EPHA6: variants seen among roughly 807,000 people sequenced by gnomAD.
The protein encoded by EPHA6 is EPH receptor A6, also known as ephrin type-A receptor 6.
In EPHA6, 50 loss-of-function variants were observed where a neutral mutation model predicts 112.0. The observed-to-expected ratio is 0.45, with a 90% CI of 0.36 to 0.56. EPHA6 has a LOEUF of 0.56. Ranked by LOEUF, EPHA6 falls within the 20% of genes least tolerant of loss-of-function variation. The pLI is 0.00. For synonymous variants in EPHA6, 529 were observed against 490.7 expected, an observed-to-expected ratio of 1.08 and a Z score of -1.03; for missense variants, 1,280 against 1,417.4, an observed-to-expected ratio of 0.90 and a Z score of 1.56.
At chr3:97,063,827 A>T (rs1160368595) in intron 3 of EPHA6, among the ~76,000 whole-genome samples, 3 of 152,204 alleles carry the variant, frequency 2.0e-5, no homozygotes, top group Non-Finnish European at 4.4e-5. Flanking sequence ...GCTTAAAATC[A>T]TGTCAGCTGG....
At chr3:96,921,447 A>G (rs1313693378) in intron 2 of EPHA6, among the ~76,000 whole-genome samples, 1 of 152,168 alleles carries the variant, frequency 6.6e-6, no homozygotes, top group Non-Finnish European at 1.5e-5. Flanking sequence ...TGTTGTTAAA[A>G]TATTCCTGAT....
At chr3:97,235,051 C>T (rs2078641836) in intron 4 of EPHA6, among the ~76,000 whole-genome samples, 1 of 152,062 alleles carries the variant, frequency 6.6e-6, no homozygotes, top group Non-Finnish European at 1.5e-5. Flanking sequence ...TTTATTTTTG[C>T]TATTCAGAAT....
intron 3 of EPHA6, among the ~76,000 whole-genome samples, chr3:97,176,594 T>TTATTTAAAGAAATTTA (rs2076841445): frequency 6.6e-6 from 1 of 151,858 alleles, no homozygotes; most frequent in Non-Finnish European, 1.5e-5. Context: ...TTATTGAGGT[T>TTATTTAAAGAAATTTA]TTGTATTTCT....
chr3:97,017,181 T>C (rs1209776772), intron 3 of EPHA6, among the ~76,000 whole-genome samples: 6 of 152,128 alleles, frequency 3.9e-5, no homozygotes, highest in Non-Finnish European at 8.8e-5. Context: ...CTTAATTTCA[T>C]ATTACTGAAA....
intron 3 of EPHA6, among the ~76,000 whole-genome samples, chr3:97,144,083 A>G (rs2075978480): frequency 6.6e-6 from 1 of 151,706 alleles, no homozygotes; most frequent in African/African-American, 2.4e-5. Context: ...GCATTTGTGT[A>G]TAACAACCCT....
At chr3:96,904,140 A>T (rs2038781113) in intron 2 of EPHA6, among the ~76,000 whole-genome samples, 3 of 152,076 alleles carry the variant, frequency 2.0e-5, no homozygotes, top group Non-Finnish European at 1.5e-5. Flanking sequence ...TCATGCTGCT[A>T]TGAAGACACA....
chr3:97,601,326 T>C (rs2107407900), intron 12 of EPHA6, among the ~76,000 whole-genome samples: 1 of 152,258 alleles, frequency 6.6e-6, no homozygotes, highest in Admixed American at 6.5e-5. Context: ...AGTATTTTTT[T>C]GTAAGGGAGG....
In EPHA6 at chr3:97,751,468, G is replaced by C. The variant is rs2035899287; in HGVS notation, c.*2767G>C. Among the ~76,000 whole-genome samples, 2 of 152,072 alleles carry C rather than the reference G, an allele frequency of 1.3e-5. No homozygotes were observed. The highest frequency in any genetic ancestry group is 4.8e-5 in the African/African-American group (2 of 41,514). On this transcript the variant is annotated 3_prime_UTR_variant, in exon 18 of 18. Coordinates refer to ENST00000389672, the MANE Select transcript of EPHA6 (RefSeq NM_001080448.3). ...AAATGTAACTTTGAACTTCATTATG[G>C]TTATGGCAACATTGAAACATGTGTG...
intron 10 of EPHA6, among the ~76,000 whole-genome samples, chr3:97,493,849 C>G (rs1341699127): frequency 2.6e-5 from 4 of 152,092 alleles, no homozygotes; most frequent in African/African-American, 4.8e-5. Flanking sequence ...CTCGTGGTTA[C>G]CACGTGTCCA....
At chr3:97,254,708 T>C (rs74906538) in intron 5 of EPHA6, among the ~76,000 whole-genome samples, 1 of 152,166 alleles carries the variant, frequency 6.6e-6, no homozygotes, top group African/African-American at 2.4e-5. Flanking sequence ...CTCAAATAAA[T>C]ATTATTTTTA....
chr3:97,248,821 T>C (rs1381384789), intron 5 of EPHA6, among the ~76,000 whole-genome samples: 5 of 152,154 alleles, frequency 3.3e-5, no homozygotes. Context: ...TTGAGATGTC[T>C]ATTTGGTTTA....
In EPHA6 at chr3:97,760,204, T is replaced by C. The variant is rs2036123793; in HGVS notation, c.*11503T>C. ...TCTTTTAGTAAAAATTATTTTGTTT[T>C]CATATAGGAAAACAATGCCTTCTGT... On this transcript the variant is annotated 3_prime_UTR_variant, in exon 18 of 18. Coordinates refer to ENST00000389672, the MANE Select transcript of EPHA6 (RefSeq NM_001080448.3). 1 of 180,654 alleles carries C rather than the reference T, an allele frequency of 5.5e-6. No homozygotes were observed. The highest frequency in any genetic ancestry group is 2.4e-5 in the African/African-American group (1 of 42,328). The allele number at this position is 180,654 out of a possible 1,614,324, so 11.2% of individuals were successfully genotyped here. A position where few individuals can be genotyped will look rare whatever the true frequency, so the allele number is the denominator to read the frequency against.
intron 7 of EPHA6, among the ~76,000 whole-genome samples, chr3:97,458,749 A>C (rs976040457): frequency 6.6e-6 from 1 of 152,152 alleles, no homozygotes; most frequent in African/African-American, 2.4e-5. Context: ...GAGAAAGAGA[A>C]GGGCGCTTGA....
At chr3:97,211,954 C>T (rs1264865972) in intron 3 of EPHA6, among the ~76,000 whole-genome samples, 1 of 151,992 alleles carries the variant, frequency 6.6e-6, no homozygotes, top group African/African-American at 2.4e-5. Flanking sequence ...TCTGAATGTT[C>T]AATAATTATA....
chr3:97,025,769 A>G (rs58314269), intron 3 of EPHA6, among the ~76,000 whole-genome samples: 154 of 152,062 alleles, frequency 1.0e-3, no homozygotes, highest in African/African-American at 3.6e-3. Context: ...TTGTATTTTT[A>G]GTAGAGATGG....
At chr3:97,675,996 T>C (rs2031341846) in intron 14 of EPHA6, among the ~76,000 whole-genome samples, 1 of 152,012 alleles carries the variant, frequency 6.6e-6, no homozygotes, top group African/African-American at 2.4e-5. Context: ...CAATCTGAAA[T>C]GGAAGAATGC....
At chr3:97,742,192 G>T (rs1227883679) in intron 16 of EPHA6, among the ~76,000 whole-genome samples, 1 of 152,064 alleles carries the variant, frequency 6.6e-6, no homozygotes, top group African/African-American at 2.4e-5. Context: ...ACACTCTCCT[G>T]CTGAGTCCAG....
intron 3 of EPHA6, among the ~76,000 whole-genome samples, chr3:97,123,312 A>G (rs1049058309): frequency 6.6e-6 from 1 of 152,134 alleles, no homozygotes; most frequent in East Asian, 1.9e-4. Flanking sequence ...TTATTCATGT[A>G]TACGATAGCC....
chr3:96,939,302 C>T (rs1208582719), intron 2 of EPHA6, among the ~76,000 whole-genome samples: 1 of 152,278 alleles, frequency 6.6e-6, no homozygotes, highest in East Asian at 1.9e-4. Context: ...TTGGTCTATT[C>T]AGACATTCAG....
Sources: allele counts gnomAD v4.1 joint callset (sites outside exome capture counted in the v4.1 genomes callset), GRCh38; gene constraint gnomAD v4.1.1; transcripts MANE v1.5; gene names NCBI Gene and HGNC (gene_info 2026-07-23, HGNC 2026-07-21).